The following FRMD4A variants were observed in gnomAD, a reference collection of about 807,000 sequenced individuals.
The protein encoded by FRMD4A is FERM domain-containing protein 4A.
Under a neutral mutation model 129.1 loss-of-function variants are expected in FRMD4A, and 29 were observed. The ratio of observed to expected loss-of-function variants is 0.22; its 90% CI spans 0.17 to 0.31. FRMD4A has a LOEUF of 0.31. Ranked by LOEUF, FRMD4A falls within the 10% of genes least tolerant of loss-of-function variation. The probability of loss-of-function intolerance (pLI) is 1.00; values close to 1 mark genes in which losing one functional copy is unlikely to be tolerated. For missense variants in FRMD4A, 1,272 were observed against 1,375.8 expected, an observed-to-expected ratio of 0.92 and a Z score of 1.19; for synonymous variants, 634 against 571.6, an observed-to-expected ratio of 1.11 and a Z score of -1.56.
At chr10:13,798,410 GA>G (rs1208931600) in intron 4 of FRMD4A, among the ~76,000 whole-genome samples, 1 of 148,314 alleles carries the variant, frequency 6.7e-6, no homozygotes, top group Non-Finnish European at 1.5e-5. Flanking sequence ...TCTGTCTCAA[GA>G]AAAAATAAAT....
At chr10:13,681,917 A>G (rs1235408544) in intron 15 of FRMD4A, among the ~76,000 whole-genome samples, 1 of 151,954 alleles carries the variant, frequency 6.6e-6, no homozygotes, top group Non-Finnish European at 1.5e-5. Flanking sequence ...AATACCAGTT[A>G]CTCTTTCTAT....
rs80002929 is a variant in FRMD4A at position 14,239,025 on chromosome 10, C to T, written c.45+91033G>A. ...CTTTCGACTCTTATTTCCTCATGACCTGTAAAAATATGTGTCAATATTGAG... is the reference window on the plus strand; with the variant it reads ...CTTTCGACTCTTATTTCCTCATGACTTGTAAAAATATGTGTCAATATTGAG... On this transcript the variant is annotated intron_variant, in intron 2 of 24. Coordinates refer to ENST00000357447, the MANE Select transcript of FRMD4A (RefSeq NM_018027.5). 8.1e-3 allele frequency among the ~76,000 whole-genome samples: 1,227 copies of T among 152,150 alleles called. 17 individuals are homozygous for T. Among genetic ancestry groups the T allele is most frequent in the African/African-American group, 0.028 (1,156 of 41,492 alleles).
intron 2 of FRMD4A, among the ~76,000 whole-genome samples, chr10:14,258,930 C>T (rs189407505): frequency 8.5e-5 from 13 of 152,138 alleles, no homozygotes; most frequent in African/African-American, 2.4e-4. Flanking sequence ...TGAATCTATT[C>T]ATAAAAATAT....
intron 2 of FRMD4A, among the ~76,000 whole-genome samples, chr10:13,950,646 C>T (rs1258412477): frequency 6.6e-6 from 1 of 152,180 alleles, no homozygotes; most frequent in Non-Finnish European, 1.5e-5. Context: ...CCTTTACTCA[C>T]TATACTCTAG....
intron 2 of FRMD4A, among the ~76,000 whole-genome samples, chr10:13,920,019 G>A (rs914315521): frequency 6.6e-6 from 1 of 152,044 alleles, no homozygotes; most frequent in South Asian, 2.1e-4. Flanking sequence ...AACACAATAG[G>A]GACCATCAAA....
rs541939792 is a variant in FRMD4A, at chr10:13,927,244, C to G, written c.46-68332G>C. 3.2e-5 allele frequency among the ~76,000 whole-genome samples: 4 copies of G among 125,004 alleles called. No homozygotes were observed. The South Asian group carries it at 1.1e-3, about 36-fold the overall frequency. The allele number at this position is 125,004 out of a possible 152,430, so 82.0% of individuals were successfully genotyped here. A position where few individuals can be genotyped will look rare whatever the true frequency, so the allele number is the denominator to read the frequency against. On this transcript the variant is annotated intron_variant, in intron 2 of 24. Transcript: ENST00000357447. ...CTACAGCCTGAGTGACAAAGCAAGA[C>G]TCCGTCTCAAAAAAAAAGAAAAAAA...
intron 15 of FRMD4A, 191 bp downstream of exon 15, chr10:13,693,707 C>A: frequency 2.5e-5 from 17 of 672,910 alleles, no homozygotes; most frequent in East Asian, 3.1e-5. Context: ...TTTTTCCCTT[C>A]CACTATTTGA....
At chr10:14,143,095 A>G (rs763867391) in intron 2 of FRMD4A, among the ~76,000 whole-genome samples, 2 of 152,234 alleles carry the variant, frequency 1.3e-5, no homozygotes, top group Non-Finnish European at 2.9e-5. Context: ...TCTCAAAAAA[A>G]TAAAGAGAAT....
chr10:13,982,504 G>T (rs1422220189), intron 2 of FRMD4A, among the ~76,000 whole-genome samples: 2 of 142,166 alleles, frequency 1.4e-5, no homozygotes, highest in Non-Finnish European at 3.1e-5. Context: ...GGGAGGGGGG[G>T]GAAGGGATCC....
chr10:14,321,706 G>A (rs769903051), intron 2 of FRMD4A, among the ~76,000 whole-genome samples: 1 of 152,128 alleles, frequency 6.6e-6, no homozygotes, highest in Non-Finnish European at 1.5e-5. Flanking sequence ...CAGAAGACAG[G>A]CAACAGTGAT....
chr10:13,956,889 G>A (rs748478676), intron 2 of FRMD4A, among the ~76,000 whole-genome samples: 1 of 152,212 alleles, frequency 6.6e-6, no homozygotes, highest in Non-Finnish European at 1.5e-5. Flanking sequence ...GGGGGAAAGT[G>A]TAGACGTTGA....
At chr10:13,683,838 G>A (rs550299766) in intron 15 of FRMD4A, among the ~76,000 whole-genome samples, 2 of 151,558 alleles carry the variant, frequency 1.3e-5, no homozygotes, top group South Asian at 2.1e-4. Flanking sequence ...TCAGCCTCCC[G>A]AGTAGCTGGG....
At chr10:14,018,141 G>A (rs1484782405) in intron 2 of FRMD4A, among the ~76,000 whole-genome samples, 1 of 151,968 alleles carries the variant, frequency 6.6e-6, no homozygotes. Context: ...TGAGAACAAG[G>A]GTGGTAAGAA....
At chr10:13,945,257 A>C (rs993521594) in intron 2 of FRMD4A, among the ~76,000 whole-genome samples, 2 of 152,186 alleles carry the variant, frequency 1.3e-5, no homozygotes. Flanking sequence ...TCTCCAGTAA[A>C]ATTTTAATGT....
chr10:14,256,322 T>C (rs1844613339), intron 2 of FRMD4A, among the ~76,000 whole-genome samples: 1 of 152,190 alleles, frequency 6.6e-6, no homozygotes, highest in African/African-American at 2.4e-5. Flanking sequence ...AATTTCTCTA[T>C]GGCATGACTG....
At chr10:14,025,885 A>G (rs1832964996) in intron 2 of FRMD4A, among the ~76,000 whole-genome samples, 1 of 152,172 alleles carries the variant, frequency 6.6e-6, no homozygotes, top group Non-Finnish European at 1.5e-5. Flanking sequence ...TAAGGCTGAA[A>G]TCACGTATCC....
chr10:14,123,719 T>A (rs1213214034), intron 2 of FRMD4A, among the ~76,000 whole-genome samples: 1 of 152,226 alleles, frequency 6.6e-6, no homozygotes, highest in Non-Finnish European at 1.5e-5. Flanking sequence ...TGACTCCTGT[T>A]CCTGGGAGAG....
chr10:14,227,100 T>A (rs917661753), intron 2 of FRMD4A, among the ~76,000 whole-genome samples: 11 of 152,086 alleles, frequency 7.2e-5, no homozygotes, highest in Non-Finnish European at 1.5e-4. Context: ...CTACTTCCAA[T>A]TCCCTGAAGG....
At chr10:13,827,098 G>A (rs61833425) in intron 3 of FRMD4A, among the ~76,000 whole-genome samples, 6,300 of 152,302 alleles carry the variant, frequency 0.041, 343 homozygotes, top group East Asian at 0.28. Flanking sequence ...CATTGAAGAC[G>A]GTGAGGCATT....
Sources: allele counts gnomAD v4.1 joint callset (sites outside exome capture counted in the v4.1 genomes callset), GRCh38; gene constraint gnomAD v4.1.1; transcripts MANE v1.5; gene names NCBI Gene and HGNC (gene_info 2026-07-23, HGNC 2026-07-21).